DOCK8: variants seen among roughly 807,000 people sequenced by gnomAD.
The protein encoded by DOCK8 is dedicator of cytokinesis protein 8.
Under a neutral mutation model 245.6 loss-of-function variants are expected in DOCK8, and 141 were observed. The observed-to-expected ratio is 0.57, with a 90% CI of 0.50 to 0.66. The LOEUF is 0.66. DOCK8 is among the 30% of genes least tolerant of loss of function. DOCK8 has a pLI of 0.00. For missense variants in DOCK8, 2,965 were observed against 2,603.4 expected, an observed-to-expected ratio of 1.14 and a Z score of -3.02; for synonymous variants, 1,168 against 970.2, an observed-to-expected ratio of 1.20 and a Z score of -3.79.
intron 28 of DOCK8, among the ~76,000 whole-genome samples, chr9:409,040 A>T (rs987288899): frequency 6.6e-6 from 1 of 152,122 alleles, no homozygotes; most frequent in African/African-American, 2.4e-5. Flanking sequence ...TCACAACTTC[A>T]TCATGTAAGC....
Position 441,198 on chromosome 9 carries a change from G to A in DOCK8, c.5224-88G>A. The A allele has an allele frequency of 1.9e-6, 3 of 1,566,436 alleles. No individual in the cohort carries two copies. In the Admixed American group the frequency reaches 5.0e-5, roughly 26 times the overall value. ...GATACAACAATAAATTCACTCTCCA[G>A]CACATTGTTTGGACAATGACCTCTG... On this transcript the variant is annotated intron_variant, in intron 40 of 47. Coordinates refer to ENST00000432829, the MANE Select transcript of DOCK8 (RefSeq NM_203447.4).
At chr9:229,964 T>A (rs1327372330) in intron 1 of DOCK8, among the ~76,000 whole-genome samples, 1 of 151,990 alleles carries the variant, frequency 6.6e-6, no homozygotes, top group East Asian at 1.9e-4. Context: ...GCAGGTTTGT[T>A]ACATATGTGT....
intron 2 of DOCK8, among the ~76,000 whole-genome samples, chr9:281,582 T>C (rs1405744586): frequency 2.0e-5 from 3 of 152,152 alleles, no homozygotes; most frequent in African/African-American, 7.2e-5. Flanking sequence ...TGTAACTCTC[T>C]CCAATATTTG....
Position 254,379 on chromosome 9 carries a change from G to A in DOCK8, c.54-17248G>A, listed in dbSNP as rs1246810737. Among the ~76,000 whole-genome samples the A allele has an allele frequency of 2.0e-5, 3 of 152,194 alleles. No homozygotes were observed. The East Asian group carries it at 5.8e-4, about 29-fold the overall frequency. The stretch of plus-strand genomic sequence containing the variant: ...ACTGGCCAGTGTGTCTGGCTTCGCT[G>A]AGTGTGTGCCTTCTGAAGCGTACCC... On this transcript the variant is annotated intron_variant, in intron 1 of 47. Transcript: ENST00000432829.
intron 5 of DOCK8, among the ~76,000 whole-genome samples, chr9:306,219 A>G (rs971194191): frequency 6.6e-6 from 1 of 152,204 alleles, no homozygotes; most frequent in South Asian, 2.1e-4. Context: ...GTTTTTAAAT[A>G]ATACTAATTT....
At chr9:353,871 C>G (rs2052295856) in intron 14 of DOCK8, among the ~76,000 whole-genome samples, 1 of 152,020 alleles carries the variant, frequency 6.6e-6, no homozygotes, top group East Asian at 1.9e-4. Flanking sequence ...TTTTAGCATT[C>G]TTCTTATTAT....
chr9:352,501 T>C (rs772369088), intron 14 of DOCK8, among the ~76,000 whole-genome samples: 7 of 152,058 alleles, frequency 4.6e-5, no homozygotes, highest in Non-Finnish European at 1.0e-4. Context: ...CCCTGCACTT[T>C]GGGAGGCCGA....
chr9:304,128 T>C (rs1310657695), intron 4 of DOCK8, among the ~76,000 whole-genome samples: 2 of 152,242 alleles, frequency 1.3e-5, no homozygotes, highest in Non-Finnish European at 2.9e-5. Context: ...TTTTATTTTT[T>C]CTTAACCATG....
intron 32 of DOCK8, among the ~76,000 whole-genome samples, chr9:421,306 A>G (rs756205817): frequency 3.9e-5 from 6 of 152,204 alleles, no homozygotes; most frequent in Non-Finnish European, 7.3e-5. Flanking sequence ...GCACCAAATG[A>G]CATCTTTTAA....
At chr9:391,647 A>G (rs999667666) in intron 24 of DOCK8, among the ~76,000 whole-genome samples, 1 of 152,196 alleles carries the variant, frequency 6.6e-6, no homozygotes, top group African/African-American at 2.4e-5. Flanking sequence ...CTCAATGTTG[A>G]TAAACAGAGA....
rs1208099126 is a variant in DOCK8 at position 375,048 on chromosome 9, G to GT, written c.2110-1162_2110-1161insT. ...TTTTCATTTCTTCCAGTACTCAAAT[G>GT]AAGTTAGAAAAGCAGTCTTTTATAG... On this transcript the variant is annotated intron_variant, in intron 18 of 47. Transcript: ENST00000432829. Among the ~76,000 whole-genome samples, 28 of 152,274 alleles carry GT rather than the reference G, an allele frequency of 1.8e-4. 1 individual carries two copies. Among genetic ancestry groups the GT allele is most frequent in the Admixed American group, 1.2e-3 (19 of 15,288 alleles).
chr9:370,153 C>T (rs2131202382), intron 15 of DOCK8, 77 bp from the exon 16 acceptor site: 2 of 1,248,642 alleles, frequency 1.6e-6, no homozygotes, highest in South Asian at 1.2e-5. Context: ...ACCAGAACAT[C>T]CTGTTGGCCT....
chr9:427,059 T>C (rs2056530428), intron 34 of DOCK8, 78 bp downstream of exon 34: 2 of 1,247,242 alleles, frequency 1.6e-6, no homozygotes, highest in Admixed American at 1.8e-5. Context: ...TATGCAAAAT[T>C]GTGAAAGACA....
Position 340,323 on chromosome 9 carries a change from T to C in DOCK8, c.1679+2T>C, listed in dbSNP as rs2051520647. 1 of 1,614,036 alleles carries C rather than the reference T, an allele frequency of 6.2e-7. No individual in the cohort carries two copies. The highest frequency in any genetic ancestry group is 8.5e-7 in the Non-Finnish European group (1 of 1,179,956). On this transcript the variant is annotated splice_donor_variant, in intron 14 of 47. Coordinates refer to ENST00000432829, the MANE Select transcript of DOCK8 (RefSeq NM_203447.4). LOFTEE classifies it high-confidence loss of function. ...ATATGTCCCTCACACTGTGTACAGG[T>C]AAGAAACACAGGCTCGGGCTGGGCG...
At chr9:458,824 G>T (rs2057719807) in intron 46 of DOCK8, among the ~76,000 whole-genome samples, 1 of 151,986 alleles carries the variant, frequency 6.6e-6, no homozygotes, top group Non-Finnish European at 1.5e-5. Flanking sequence ...AAATAGAGGG[G>T]GTACCAAGAG....
In DOCK8 at chr9:286,705, A is replaced by T. The variant is rs2048838711; in HGVS notation, c.332+69A>T. On this transcript the variant is annotated intron_variant, in intron 3 of 47. Coordinates refer to ENST00000432829, the MANE Select transcript of DOCK8 (RefSeq NM_203447.4). Reference sequence around the variant, plus strand: ...ATTGTTTTCAATAAGTGGGTAGGGGAGATGCCTTCAATCTGAACTTAAAAA... The same window carrying T: ...ATTGTTTTCAATAAGTGGGTAGGGGTGATGCCTTCAATCTGAACTTAAAAA... The T allele has an allele frequency of 9.1e-6, 13 of 1,433,602 alleles. 1 individual carries two copies. In the South Asian group the frequency reaches 1.5e-4, roughly 17 times the overall value. The allele number at this position is 1,433,602 out of a possible 1,614,324, so 88.8% of individuals were successfully genotyped here. A position where few individuals can be genotyped will look rare whatever the true frequency, so the allele number is the denominator to read the frequency against.
At chr9:391,819 A>ATTTTTTTTTTTT (rs1453100811) in intron 24 of DOCK8, among the ~76,000 whole-genome samples, 12 of 130,692 alleles carry the variant, frequency 9.2e-5, no homozygotes, top group Non-Finnish European at 1.6e-4. Flanking sequence ...CATTAAGTGA[A>ATTTTTTTTTTTT]TCTTTTTTTT....
At chr9:337,119 A>G (rs527419598) in intron 12 of DOCK8, among the ~76,000 whole-genome samples, 1 of 152,290 alleles carries the variant, frequency 6.6e-6, no homozygotes, top group Admixed American at 6.5e-5. Context: ...TAATCCAGTC[A>G]TGAGGGCAGA....
intron 24 of DOCK8, among the ~76,000 whole-genome samples, chr9:392,471 T>TA (rs2054244432): frequency 6.6e-6 from 1 of 152,116 alleles, no homozygotes; most frequent in African/African-American, 2.4e-5. Context: ...AGGTGCTTAG[T>TA]AAAAATAAAG....
Sources: allele counts gnomAD v4.1 joint callset (sites outside exome capture counted in the v4.1 genomes callset), GRCh38; gene constraint gnomAD v4.1.1; transcripts MANE v1.5; gene names NCBI Gene and HGNC (gene_info 2026-07-23, HGNC 2026-07-21).